SPOCK3: variants seen among roughly 807,000 people sequenced by gnomAD.
The protein encoded by SPOCK3 is testican-3.
Under a neutral mutation model 56.6 loss-of-function variants are expected in SPOCK3, and 30 were observed. The ratio of observed to expected loss-of-function variants is 0.53; its 90% CI spans 0.40 to 0.72. The LOEUF is 0.72. Ranked by LOEUF, SPOCK3 falls within the 30% of genes least tolerant of loss-of-function variation. The pLI is 0.00. For synonymous variants in SPOCK3, 196 were observed against 183.3 expected (o/e 1.07, Z -0.56); for missense variants, 527 against 530.0 (o/e 0.99, Z 0.06).
At chr4:167,167,602 G>A (rs1458503793) in intron 2 of SPOCK3, among the ~76,000 whole-genome samples, 1 of 152,162 alleles carries the variant, frequency 6.6e-6, no homozygotes, top group African/African-American at 2.4e-5. Flanking sequence ...ATCCTAAGAA[G>A]TACAAAACCC....
At chr4:167,122,081 TTTC>T (rs1169624931) in intron 2 of SPOCK3, among the ~76,000 whole-genome samples, 5 of 147,928 alleles carry the variant, frequency 3.4e-5, no homozygotes, top group African/African-American at 4.9e-5. Context: ...TTTCTTTTCC[TTTC>T]TTTTCTTTTT....
intron 2 of SPOCK3, among the ~76,000 whole-genome samples, chr4:167,225,710 A>T (rs1736528014): frequency 6.6e-6 from 1 of 152,050 alleles, no homozygotes; most frequent in Non-Finnish European, 1.5e-5. Flanking sequence ...GCAACTCACC[A>T]TCTCTGTTTA....
At chr4:166,790,355 G>A (rs190105247) in intron 7 of SPOCK3, among the ~76,000 whole-genome samples, 26 of 152,258 alleles carry the variant, frequency 1.7e-4, no homozygotes, top group African/African-American at 5.8e-4. Flanking sequence ...AAATAAGATA[G>A]ACCCAAAGAA....
intron 7 of SPOCK3, among the ~76,000 whole-genome samples, chr4:166,766,883 T>C (rs1238590842): frequency 6.6e-6 from 1 of 152,180 alleles, no homozygotes; most frequent in Non-Finnish European, 1.5e-5. Context: ...ATTGGTCTAT[T>C]CAGGGATTCA....
chr4:166,915,395 T>C (rs1265455856), intron 4 of SPOCK3, among the ~76,000 whole-genome samples: 12 of 152,214 alleles, frequency 7.9e-5, no homozygotes, highest in Non-Finnish European at 8.8e-5. Context: ...AGAATTAGTG[T>C]TCTTCTTAGT....
intron 10 of SPOCK3, 131 bp downstream of exon 10, chr4:166,737,336 C>T (rs1472723776): frequency 1.9e-5 from 18 of 943,518 alleles, no homozygotes; most frequent in Admixed American, 2.9e-5. Flanking sequence ...TTTGTCACTC[C>T]CTCCACCCTA....
intron 2 of SPOCK3, among the ~76,000 whole-genome samples, chr4:167,184,191 A>G (rs957091190): frequency 6.6e-6 from 1 of 152,202 alleles, no homozygotes; most frequent in African/African-American, 2.4e-5. Context: ...TTTCCCCAAA[A>G]GAATCATCAT....
At chr4:166,853,949 A>G (rs1730397696) in intron 6 of SPOCK3, among the ~76,000 whole-genome samples, 1 of 152,130 alleles carries the variant, frequency 6.6e-6, no homozygotes, top group Admixed American at 6.6e-5. Flanking sequence ...AAAATTAGCC[A>G]AAAACAAAGC....
At chr4:166,808,559 G>A (rs1743425494) in intron 6 of SPOCK3, among the ~76,000 whole-genome samples, 2 of 151,940 alleles carry the variant, frequency 1.3e-5, no homozygotes, top group Admixed American at 6.6e-5. Context: ...CTTGCACTCT[G>A]ATCTCAGACT....
At chr4:166,808,797 C>T (rs1743456376) in intron 6 of SPOCK3, among the ~76,000 whole-genome samples, 1 of 151,978 alleles carries the variant, frequency 6.6e-6, no homozygotes, top group African/African-American at 2.4e-5. Context: ...TAAGTCTTGT[C>T]TATAAAGTCC....
chr4:167,161,738 T>C (rs1040845448), intron 2 of SPOCK3, among the ~76,000 whole-genome samples: 1 of 151,836 alleles, frequency 6.6e-6, no homozygotes, highest in African/African-American at 2.4e-5. Context: ...ATGTCCTTTG[T>C]AGGGACATGG....
chr4:166,997,301 T>G (rs1748487978), intron 4 of SPOCK3, among the ~76,000 whole-genome samples: 1 of 152,106 alleles, frequency 6.6e-6, no homozygotes, highest in Non-Finnish European at 1.5e-5. Context: ...TCTGCACATG[T>G]ATCCCGGAAC....
intron 3 of SPOCK3, among the ~76,000 whole-genome samples, chr4:167,055,727 C>T (rs888151247): frequency 6.6e-6 from 1 of 152,178 alleles, no homozygotes; most frequent in African/African-American, 2.4e-5. Flanking sequence ...GATCAAACTG[C>T]AAGGCTGCAG....
chr4:166,908,950 A>T (rs1255802215), intron 5 of SPOCK3, among the ~76,000 whole-genome samples: 3 of 152,106 alleles, frequency 2.0e-5, no homozygotes, highest in African/African-American at 7.2e-5. Context: ...TGAACAGACT[A>T]ACTATATTTT....
intron 4 of SPOCK3, among the ~76,000 whole-genome samples, chr4:166,923,191 C>A (rs1400681722): frequency 6.6e-6 from 1 of 152,184 alleles, no homozygotes; most frequent in African/African-American, 2.4e-5. Context: ...ATCTTCCTAT[C>A]ACTTTCTCCT....
intron 3 of SPOCK3, among the ~76,000 whole-genome samples, chr4:167,035,954 T>C (rs901965959): frequency 4.6e-5 from 7 of 152,122 alleles, no homozygotes; most frequent in African/African-American, 1.4e-4. Context: ...CCTTATCTTT[T>C]AGAAAAATTA....
At chr4:166,891,131 T>A (rs1347904757) in intron 5 of SPOCK3, among the ~76,000 whole-genome samples, 1 of 152,042 alleles carries the variant, frequency 6.6e-6, no homozygotes, top group Non-Finnish European at 1.5e-5. Context: ...CATCCCTTTA[T>A]TTTGAGCCTA....
chr4:166,897,822 C>G (rs1009761501), intron 5 of SPOCK3, among the ~76,000 whole-genome samples: 10 of 152,124 alleles, frequency 6.6e-5, no homozygotes, highest in African/African-American at 2.4e-4. Flanking sequence ...ATTAGAAGAC[C>G]TAGTAGTGAA....
At chr4:166,739,800 C>G (rs1385115758) in intron 9 of SPOCK3, among the ~76,000 whole-genome samples, 1 of 151,014 alleles carries the variant, frequency 6.6e-6, no homozygotes, top group Non-Finnish European at 1.5e-5. Flanking sequence ...AGTCTTGTAA[C>G]CATATAACAT....
Sources: gnomAD v4.1 joint callset for allele counts (sites outside exome capture counted in the v4.1 genomes callset) on GRCh38, gnomAD v4.1.1 for gene constraint, MANE v1.5 for transcripts, NCBI Gene and HGNC (gene_info 2026-07-23, HGNC 2026-07-21) for gene names.